TBC1D19: variants seen among roughly 807,000 people sequenced by gnomAD.
TBC1D19 encodes TBC1 domain family, member 19.
Under a neutral mutation model 89.0 loss-of-function variants are expected in TBC1D19, and 60 were observed. The observed-to-expected ratio is 0.67, with a 90% CI of 0.55 to 0.84. The LOEUF (loss-of-function observed/expected upper bound fraction) is 0.84. TBC1D19 is among the 40% of genes least tolerant of loss of function. The pLI, the probability that TBC1D19 is intolerant of heterozygous loss-of-function variation, is 0.00. For missense variants in TBC1D19, 500 were observed against 610.8 expected (o/e 0.82, Z 1.91); for synonymous variants, 189 against 199.7 (o/e 0.95, Z 0.45).
intron 7 of TBC1D19, among the ~76,000 whole-genome samples, chr4:26,654,897 CT>C (rs1744682318): frequency 6.6e-6 from 1 of 152,190 alleles, no homozygotes; most frequent in Admixed American, 6.5e-5. Context: ...CTCCATCCAG[CT>C]TTTTTCCATT....
At position 26,749,442 on chromosome 4, in the gene TBC1D19, C is replaced by T. The variant is rs1004973169; in HGVS notation, c.1435+916C>T. On this transcript the variant is annotated intron_variant, in intron 19 of 20. Transcript: ENST00000264866. ...TCTCTAGGTATCATATTAACATATT[C>T]GGGTTGTTTTTTTTTTTTTTTTTTG... Among the ~76,000 whole-genome samples the T allele has an allele frequency of 7.4e-4, 85 of 115,356 alleles. 1 individual carries two copies. Among genetic ancestry groups the T allele is most frequent in the Admixed American group, 1.8e-3 (14 of 7,836 alleles). The allele number at this position is 115,356 out of a possible 152,430, so 75.7% of individuals were successfully genotyped here.
the TBC1D19 span, among the ~76,000 whole-genome samples, chr4:26,766,878 A>G: frequency 1.3e-5 from 2 of 152,196 alleles, no homozygotes; most frequent in Non-Finnish European, 2.9e-5. Flanking sequence ...TAAACACTTT[A>G]CGAAGAAGAA....
At chr4:26,681,402 T>A (rs1713327979) in intron 11 of TBC1D19, among the ~76,000 whole-genome samples, 2 of 149,912 alleles carry the variant, frequency 1.3e-5, no homozygotes, top group Non-Finnish European at 3.0e-5. Flanking sequence ...AAAAAAAAAA[T>A]CAGGCGGGTA....
chr4:26,590,796 G>GTTTTGTTTTTTT (rs1739722938), intron 1 of TBC1D19, among the ~76,000 whole-genome samples: 1 of 52,958 alleles, frequency 1.9e-5, no homozygotes, highest in African/African-American at 8.3e-5. Context: ...TTGCAGGTCT[G>GTTTTGTTTTTTT]TTTTTTTTTT....
chr4:26,638,274 A>G (rs1249395253), intron 5 of TBC1D19, among the ~76,000 whole-genome samples: 3 of 151,744 alleles, frequency 2.0e-5, no homozygotes, highest in Admixed American at 2.0e-4. Flanking sequence ...GATAATATCC[A>G]AGGAAAAATT....
the TBC1D19 span, among the ~76,000 whole-genome samples, chr4:26,852,348 G>A: frequency 6.6e-6 from 1 of 152,126 alleles, no homozygotes; most frequent in Non-Finnish European, 1.5e-5. Context: ...GAGCTCAGGA[G>A]TTCGAGACCA....
the TBC1D19 span, among the ~76,000 whole-genome samples, chr4:26,851,225 G>C: frequency 0.019 from 2,919 of 152,226 alleles, 108 homozygotes; most frequent in African/African-American, 0.068. Context: ...CAGCTTTCCT[G>C]GGTCTTCAGG....
At chr4:26,826,444 A>G in the TBC1D19 span, among the ~76,000 whole-genome samples, 8 of 151,418 alleles carry the variant, frequency 5.3e-5, no homozygotes, top group Non-Finnish European at 1.0e-4. Flanking sequence ...TAGTAGGTGA[A>G]CATTATTTAG....
At chr4:26,711,700 CTTAATTGGTAAT>C (rs1327828484) in intron 13 of TBC1D19, among the ~76,000 whole-genome samples, 2 of 152,010 alleles carry the variant, frequency 1.3e-5, no homozygotes, top group Non-Finnish European at 2.9e-5. Context: ...TTAATTTTTA[CTTAATTGGTAAT>C]TAATCCAGGT....
At chr4:26,808,130 C>T in the TBC1D19 span, among the ~76,000 whole-genome samples, 1 of 152,190 alleles carries the variant, frequency 6.6e-6, no homozygotes, top group Non-Finnish European at 1.5e-5. Context: ...AAAATGATTC[C>T]TCTGAGTGCA....
In TBC1D19 at chr4:26,755,005, T is replaced by C; in HGVS notation, c.*58T>C. On this transcript the variant is annotated 3_prime_UTR_variant, in exon 21 of 21. Transcript: ENST00000264866. ...TTTTCATTAGAAACAAATCATGAAC[T>C]ATGCAAACTCTGCATAAAACCAAAA... is the stretch of plus-strand genomic sequence containing the variant. 1 of 1,502,140 alleles carries C rather than the reference T, an allele frequency of 6.7e-7. No homozygotes were observed. The allele number at this position is 1,502,140 out of a possible 1,614,324, so 93.1% of individuals were successfully genotyped here. A position where few individuals can be genotyped will look rare whatever the true frequency, so the allele number is the denominator to read the frequency against.
At chr4:26,734,792 G>T (rs999465657) in intron 15 of TBC1D19, among the ~76,000 whole-genome samples, 2 of 151,952 alleles carry the variant, frequency 1.3e-5, no homozygotes, top group African/African-American at 4.8e-5. Context: ...ATAATCTATT[G>T]ACTTTCTGAG....
chr4:26,617,866 G>A (rs1394129067), intron 3 of TBC1D19, among the ~76,000 whole-genome samples: 1 of 152,158 alleles, frequency 6.6e-6, no homozygotes, highest in African/African-American at 2.4e-5. Context: ...AGCATAGTTT[G>A]CTGTTATAGT....
At position 26,584,345 on chromosome 4, in the gene TBC1D19, CTCT is replaced by C; in HGVS notation, c.99+59_99+61del. ...CAGACGGGCGGGGCCGCGGCGATGT[CTCT>C]TCTTCACCCTCCTCACCCAAGCCAG... is the stretch of plus-strand genomic sequence containing the variant. On this transcript the variant is annotated intron_variant, in intron 1 of 20. Transcript: ENST00000264866. The C allele has an allele frequency of 2.6e-6, 4 of 1,518,302 alleles. No individual in the cohort carries two copies. The South Asian group carries it at 4.8e-5, about 18-fold the overall frequency. 94.1% of individuals were successfully genotyped at this position (1,518,302 alleles called of 1,614,324 possible).
intron 13 of TBC1D19, among the ~76,000 whole-genome samples, chr4:26,691,952 A>AT (rs1259394937): frequency 1.3e-5 from 2 of 152,164 alleles, no homozygotes; most frequent in Non-Finnish European, 2.9e-5. Flanking sequence ...AGTGAAAACT[A>AT]TTTTTTTAAA....
intron 6 of TBC1D19, 26 bp downstream of exon 6, chr4:26,638,860 T>A: frequency 6.4e-7 from 1 of 1,551,806 alleles, no homozygotes; most frequent in Non-Finnish European, 8.8e-7. Flanking sequence ...TTTCTGAATG[T>A]AGTAGTGGAA....
chr4:26,686,110 G>A (rs934693524), intron 12 of TBC1D19, among the ~76,000 whole-genome samples: 7 of 151,796 alleles, frequency 4.6e-5, no homozygotes, highest in South Asian at 2.1e-4. Flanking sequence ...GAAGTCAGCC[G>A]TTAAGGGAAT....
At chr4:26,620,526 A>G in intron 3 of TBC1D19, 87 bp from the exon 4 acceptor site, 1 of 1,072,512 alleles carries the variant, frequency 9.3e-7, no homozygotes, top group South Asian at 1.5e-5. Flanking sequence ...TTACTGGGAA[A>G]ACAGTTTATA....
the TBC1D19 span, among the ~76,000 whole-genome samples, chr4:26,781,750 T>A: frequency 2.0e-5 from 3 of 152,268 alleles, no homozygotes; most frequent in South Asian, 4.1e-4. Context: ...TACTTAGGTT[T>A]CCTTTGTTTT....
Sources: gnomAD v4.1 joint callset for allele counts (sites outside exome capture counted in the v4.1 genomes callset) on GRCh38, gnomAD v4.1.1 for gene constraint, MANE v1.5 for transcripts, NCBI Gene and HGNC (gene_info 2026-07-23, HGNC 2026-07-21) for gene names.